Variants in ZNF658 observed in about 807,000 individuals in gnomAD.
ZNF658 encodes zinc finger protein 658.
In ZNF658, 46 loss-of-function variants were observed where a neutral mutation model predicts 78.0. That is an observed-to-expected ratio of 0.59 (90% CI 0.47 to 0.75). The LOEUF (loss-of-function observed/expected upper bound fraction) is 0.75. Among genes scored for constraint, ZNF658 ranks in the 30% least tolerant of loss-of-function variants. ZNF658 has a pLI of 0.00. For missense variants in ZNF658, 785 were observed against 1,189.3 expected, an observed-to-expected ratio of 0.66 and a Z score of 5.00; for synonymous variants, 279 against 408.4, an observed-to-expected ratio of 0.68 and a Z score of 3.82.
At chr9:66,930,513 T>C (rs1822630915) in intron 6 of ZNF658, among the ~76,000 whole-genome samples, 1 of 150,532 alleles carries the variant, frequency 6.6e-6, no homozygotes, top group Non-Finnish European at 1.5e-5. Flanking sequence ...ACAGTTAAAA[T>C]TTAATGGAAT....
chr9:66,905,145 G>A (rs1235396571), intron 2 of ZNF658, among the ~76,000 whole-genome samples: 2 of 126,984 alleles, frequency 1.6e-5, no homozygotes, highest in African/African-American at 5.9e-5. Flanking sequence ...GCATGATCTC[G>A]GCTCACTGTA....
chr9:66,931,496 T>C (rs1474037700), intron 6 of ZNF658, among the ~76,000 whole-genome samples: 1 of 152,122 alleles, frequency 6.6e-6, no homozygotes, highest in Non-Finnish European at 1.5e-5. Flanking sequence ...TAGAACCATA[T>C]ATCTAGTAGA....
rs771391869 is a variant in ZNF658 at position 66,917,903 on chromosome 9, AAAG to A, written c.341_343del (p.Glu114del). ...CAGTGATGCTGACAAAACATTGAGT[AAAG>A]AAGGACAGAAAGTTTTAGAAAAACC... On this transcript the variant is annotated inframe_deletion, in exon 5 of 5. Coordinates refer to ENST00000621410, the MANE Select transcript of ZNF658 (RefSeq NM_033160.7). 1.2e-6 allele frequency: 2 copies of A among 1,609,258 alleles called. No individual in the cohort carries two copies. The highest frequency in any genetic ancestry group is 2.2e-5 in the East Asian group (1 of 44,744).
intron 2 of ZNF658, among the ~76,000 whole-genome samples, 159 bp downstream of exon 2, chr9:66,903,735 A>G (rs1206073191): frequency 6.6e-6 from 1 of 152,192 alleles, no homozygotes; most frequent in Non-Finnish European, 1.5e-5. Flanking sequence ...TGGCATGTGG[A>G]TAGATGCAGA....
intron 3 of ZNF658, 94 bp downstream of exon 3, chr9:66,908,458 T>A (rs1402218744): frequency 6.4e-7 from 1 of 1,564,138 alleles, no homozygotes; most frequent in African/African-American, 1.4e-5. Flanking sequence ...ATTAAAGGGC[T>A]TTGGATTAAA....
rs1294198231 is a variant in ZNF658 at position 66,916,187 on chromosome 9, C to CA, written c.239-1611dup. 1.2e-4 allele frequency among the ~76,000 whole-genome samples: 18 copies of CA among 152,188 alleles called. No individual in the cohort carries two copies. In the East Asian group the frequency reaches 3.5e-3, roughly 29 times the overall value. On this transcript the variant is annotated intron_variant, in intron 4 of 4. Transcript: ENST00000621410. ...ACAGGCGTGAGCCACCGCGTCTGGCCAAAAAAATTTAAGCCCCAAATTTAT... is the reference window on the plus strand; with the variant it reads ...ACAGGCGTGAGCCACCGCGTCTGGCCAAAAAAAATTTAAGCCCCAAATTTAT...
intron 1 of ZNF658, 109 bp from the exon 2 acceptor site, chr9:66,903,409 C>T (rs1031243697): frequency 9.4e-5 from 67 of 712,312 alleles, no homozygotes; most frequent in Non-Finnish European, 1.6e-4. Flanking sequence ...GGTTATGTCG[C>T]AGTAAAACCA....
intron 4 of ZNF658, among the ~76,000 whole-genome samples, chr9:66,910,050 A>G (rs1452150091): frequency 1.3e-5 from 2 of 152,150 alleles, no homozygotes; most frequent in African/African-American, 2.4e-5. Context: ...TCTTATAAAG[A>G]TATCAGTACT....
At position 66,917,824 on chromosome 9, in the gene ZNF658, C is replaced by T. The variant is rs1334458698; in HGVS notation, c.258C>T (p.His86=). The T allele has an allele frequency of 2.6e-6, 3 of 1,159,296 alleles. No homozygotes were observed. In the East Asian group the frequency reaches 7.3e-5, roughly 28 times the overall value. 71.8% of individuals were successfully genotyped at this position (1,159,296 alleles called of 1,614,324 possible). The change falls in exon 5 of 5, where the codon CAC becomes CAT. Residue 86 remains histidine (H), a synonymous_variant. Coordinates refer to ENST00000621410, the MANE Select transcript of ZNF658 (RefSeq NM_033160.7). ...QRYPGYFKVD[H]IKGIREKQEK... is the part of the protein sequence containing the mutation. ...TTTTAGGGTATTTTAAAGTTGATCA[C>T]ATCAAAGGGATCCGGGAAAAACAAG...
In ZNF658 at chr9:66,902,093, A is replaced by C. The variant is rs1374512802; in HGVS notation, c.-45+1257A>C. 2.0e-5 allele frequency among the ~76,000 whole-genome samples: 3 copies of C among 151,730 alleles called. No homozygotes were observed. The East Asian group carries it at 5.8e-4, about 29-fold the overall frequency. On this transcript the variant is annotated intron_variant, in intron 1 of 4. Coordinates refer to ENST00000621410, the MANE Select transcript of ZNF658 (RefSeq NM_033160.7). ...CAAACTTCAGGTGTTCAATGGTTCT[A>C]TGTGGCTGATGGCTGCAGTGCTGGA...
downstream of ZNF658, among the ~76,000 whole-genome samples, chr9:66,925,578 GA>G (rs1265761234): frequency 1.3e-5 from 2 of 151,910 alleles, no homozygotes; most frequent in African/African-American, 4.8e-5. Context: ...AGTGAATAAG[GA>G]GATCAAATCA....
chr9:66,917,762 A>G (rs768855341), intron 4 of ZNF658, 43 bp from the exon 5 acceptor site: 50 of 1,420,380 alleles, frequency 3.5e-5, no homozygotes, highest in Non-Finnish European at 4.5e-5. Flanking sequence ...TCTCCATGAG[A>G]AATGTAAGAT....
At chr9:66,904,617 G>A (rs1822031498) in intron 2 of ZNF658, among the ~76,000 whole-genome samples, 1 of 151,996 alleles carries the variant, frequency 6.6e-6, no homozygotes, top group African/African-American at 2.4e-5. Context: ...CTCAGATAAT[G>A]TACTAATATC....
At chr9:66,921,701 T>C (rs1297816493), downstream of ZNF658, among the ~76,000 whole-genome samples, 3 of 151,792 alleles carry the variant, frequency 2.0e-5, no homozygotes, top group Admixed American at 6.6e-5. Context: ...TGCCTGATCC[T>C]TCCTCTGGAA....
intron 4 of ZNF658, among the ~76,000 whole-genome samples, chr9:66,910,178 A>G (rs1822180511): frequency 6.6e-6 from 1 of 152,190 alleles, no homozygotes; most frequent in African/African-American, 2.4e-5. Context: ...TTTGGGAAGG[A>G]CACAAATAAG....
intron 6 of ZNF658, among the ~76,000 whole-genome samples, chr9:66,929,557 C>G (rs1822619817): frequency 6.6e-6 from 1 of 151,980 alleles, no homozygotes; most frequent in Non-Finnish European, 1.5e-5. Context: ...GATGCAGGTT[C>G]TTTAATGCTC....
chr9:66,915,346 C>T (rs1822310815), intron 4 of ZNF658, among the ~76,000 whole-genome samples: 1 of 151,618 alleles, frequency 6.6e-6, no homozygotes. Context: ...CATTCACCTG[C>T]CTCTTCTTTC....
Position 66,919,669 on chromosome 9 carries a change from C to A in ZNF658, c.2103C>A (p.Leu701=). Residue 701 remains leucine (L), a synonymous_variant, in exon 5 of 5, where the codon CTC becomes CTA. Coordinates refer to ENST00000621410, the MANE Select transcript of ZNF658 (RefSeq NM_033160.7). ...AAACTTTTGCCCATAATTCAGCCCT[C>A]AAAATACATCAGAGAATTCACACGG... is the stretch of plus-strand genomic sequence containing the variant. ...CEKTFAHNSA[L]KIHQRIHTGE... is the part of the protein sequence containing the mutation. The A allele has an allele frequency of 6.2e-7, 1 of 1,611,734 alleles. No individual in the cohort carries two copies. Among genetic ancestry groups the A allele is most frequent in the Non-Finnish European group, 8.5e-7 (1 of 1,179,696 alleles).
At position 66,920,997 on chromosome 9, in the gene ZNF658, G is replaced by A. The variant is rs556876166; in HGVS notation, c.*251G>A. The A allele has an allele frequency of 7.7e-5, 42 of 545,564 alleles. No individual in the cohort carries two copies. Among genetic ancestry groups the A allele is most frequent in the Admixed American group, 6.7e-5 (2 of 29,748 alleles). The allele number at this position is 545,564 out of a possible 1,614,324, so 33.8% of individuals were successfully genotyped here. On this transcript the variant is annotated 3_prime_UTR_variant, in exon 5 of 5. Coordinates refer to ENST00000621410, the MANE Select transcript of ZNF658 (RefSeq NM_033160.7). ...TCCTGGTTCATAAGATGGATTTGGAGGTTATTTCTGCAGCAAACTTGGGTC... is the reference window on the plus strand; with the variant it reads ...TCCTGGTTCATAAGATGGATTTGGAAGTTATTTCTGCAGCAAACTTGGGTC...
Sources: gnomAD v4.1 joint callset for allele counts (sites outside exome capture counted in the v4.1 genomes callset) on GRCh38, gnomAD v4.1.1 for gene constraint, MANE v1.5 for transcripts, NCBI Gene and HGNC (gene_info 2026-07-23, HGNC 2026-07-21) for gene names.